The following ACTR3B variants were observed in gnomAD, a reference collection of about 807,000 sequenced individuals.
ACTR3B encodes actin related protein 3B.
A neutral mutation model predicts 59.0 loss-of-function variants in ACTR3B; 8 were observed. That is an observed-to-expected ratio of 0.14 (90% CI 0.08 to 0.24). The LOEUF is 0.24. Among genes scored for constraint, ACTR3B ranks in the 10% least tolerant of loss-of-function variants. The pLI is 1.00. For missense variants in ACTR3B, 245 were observed against 552.3 expected, an observed-to-expected ratio of 0.44 and a Z score of 5.58; for synonymous variants, 148 against 197.9, an observed-to-expected ratio of 0.75 and a Z score of 2.12.
At chr7:152,792,872 G>A (rs186445003) in intron 2 of ACTR3B, among the ~76,000 whole-genome samples, 4 of 152,174 alleles carry the variant, frequency 2.6e-5, no homozygotes, top group Admixed American at 6.5e-5. Context: ...TTATTTCAAC[G>A]GAAAGTCTTG....
intron 4 of ACTR3B, among the ~76,000 whole-genome samples, chr7:152,806,901 G>A (rs1389760292): frequency 6.6e-6 from 1 of 152,180 alleles, no homozygotes; most frequent in Non-Finnish European, 1.5e-5. Flanking sequence ...CTGTCATAGT[G>A]GTGTCACTCA....
chr7:152,853,008 G>A (rs577211355), intron 10 of ACTR3B, among the ~76,000 whole-genome samples: 3 of 152,134 alleles, frequency 2.0e-5, no homozygotes, highest in Admixed American at 6.5e-5. Context: ...AGCCAGGATG[G>A]TCTCGATCTC....
At chr7:152,846,679 G>A (rs1466120887) in intron 9 of ACTR3B, among the ~76,000 whole-genome samples, 2 of 149,236 alleles carry the variant, frequency 1.3e-5, no homozygotes, top group Admixed American at 1.3e-4. Flanking sequence ...TAGTGCCCGG[G>A]CTGTAGTCTG....
chr7:152,852,223 G>A lies in ACTR3B; in HGVS notation c.1049G>A (p.Ser350Asn), dbSNP rs1798861538. The A allele has an allele frequency of 1.2e-6, 2 of 1,613,926 alleles. No homozygotes were observed. Among genetic ancestry groups the A allele is most frequent in the East Asian group, 2.2e-5 (1 of 44,866 alleles). Reference protein sequence around the residue: ...KRVVDARLRLSEELSGGRIKP... With the variant: ...KRVVDARLRLNEELSGGRIKP... ...GTGGTGGATGCTAGGCTGAGGCTCA[G>A]CGAGGAGCTCAGCGGCGGGAGGATC... Residue 350 changes from serine to asparagine, a missense_variant, in exon 10 of 12, where the codon AGC becomes AAC. Around this residue, in one of 7 missense-constraint regions of ACTR3B, gnomAD observed 153 missense variants for 266.2 expected, o/e 0.57. Transcript: ENST00000256001.
chr7:152,837,491 A>G (rs1206173297), intron 9 of ACTR3B, among the ~76,000 whole-genome samples: 1 of 152,258 alleles, frequency 6.6e-6, no homozygotes, highest in Non-Finnish European at 1.5e-5. Flanking sequence ...ATCCTCATAA[A>G]AGACTAGTTA....
chr7:152,810,527 G>A (rs949313952), intron 4 of ACTR3B, among the ~76,000 whole-genome samples: 2 of 151,350 alleles, frequency 1.3e-5, no homozygotes, highest in African/African-American at 2.4e-5. Flanking sequence ...TCGACCTCCT[G>A]GGCTGGAGTG....
At chr7:152,829,750 T>C (rs1397792167) in intron 9 of ACTR3B, among the ~76,000 whole-genome samples, 2 of 152,188 alleles carry the variant, frequency 1.3e-5, no homozygotes, top group Non-Finnish European at 2.9e-5. Flanking sequence ...TCTAATGTGC[T>C]TCTAACTTGA....
Position 152,772,526 on chromosome 7 carries a change from A to G in ACTR3B, c.45-10661A>G, listed in dbSNP as rs538568489. Among the ~76,000 whole-genome samples the G allele has an allele frequency of 2.8e-3, 423 of 151,988 alleles. 1 individual carries two copies. Among genetic ancestry groups the G allele is most frequent in the African/African-American group, 9.7e-3 (401 of 41,416 alleles). Reference sequence around the variant, plus strand: ...GGTGACAAAGCGAGACTCTGGCTCAAAAGGAAAAAACAAGAGTAGGGGAGT... The same window carrying G: ...GGTGACAAAGCGAGACTCTGGCTCAGAAGGAAAAAACAAGAGTAGGGGAGT... On this transcript the variant is annotated intron_variant, in intron 1 of 11. Coordinates refer to ENST00000256001, the MANE Select transcript of ACTR3B (RefSeq NM_020445.6).
At chr7:152,831,729 A>G (rs776946211) in intron 9 of ACTR3B, among the ~76,000 whole-genome samples, 42 of 152,116 alleles carry the variant, frequency 2.8e-4, no homozygotes, top group Non-Finnish European at 5.4e-4. Flanking sequence ...GAAGTAGCGC[A>G]ATCCTGTGGG....
chr7:152,781,916 A>T (rs1297630888), intron 1 of ACTR3B, among the ~76,000 whole-genome samples: 1 of 152,002 alleles, frequency 6.6e-6, no homozygotes, highest in East Asian at 1.9e-4. Context: ...TGCCTCCAGA[A>T]GCTCCTTGTA....
At chr7:152,834,299 G>T in intron 9 of ACTR3B, among the ~76,000 whole-genome samples, 1 of 151,988 alleles carries the variant, frequency 6.6e-6, no homozygotes, top group African/African-American at 2.4e-5. Context: ...GATTACAGGT[G>T]CCCGCCACCA....
intron 7 of ACTR3B, among the ~76,000 whole-genome samples, chr7:152,821,133 A>G (rs1590363856): frequency 1.3e-5 from 2 of 152,182 alleles, no homozygotes; most frequent in South Asian, 2.1e-4. Context: ...GGGGGCTCTC[A>G]GCGCTGAAAT....
At chr7:152,831,452 G>T (rs568531116) in intron 9 of ACTR3B, among the ~76,000 whole-genome samples, 1 of 152,330 alleles carries the variant, frequency 6.6e-6, no homozygotes, top group Non-Finnish European at 1.5e-5. Context: ...GTGGTGCTCG[G>T]TGGTGATGGC....
chr7:152,819,679 G>A (rs1795996077), intron 6 of ACTR3B, among the ~76,000 whole-genome samples: 1 of 152,176 alleles, frequency 6.6e-6, no homozygotes, highest in Non-Finnish European at 1.5e-5. Context: ...AGTGGAATGA[G>A]AGGCTCCCAG....
At chr7:152,819,607 AG>A (rs1457504952) in intron 6 of ACTR3B, among the ~76,000 whole-genome samples, 5 of 152,202 alleles carry the variant, frequency 3.3e-5, no homozygotes, top group Non-Finnish European at 7.3e-5. Context: ...TGATCGGCCC[AG>A]GGCGTGGTCA....
chr7:152,809,945 A>T (rs1178726617), intron 4 of ACTR3B, among the ~76,000 whole-genome samples: 1 of 152,032 alleles, frequency 6.6e-6, no homozygotes, highest in African/African-American at 2.4e-5. Context: ...TGTAAAAAAA[A>T]CCCTAATACT....
At chr7:152,802,821 A>G (rs1396749474) in intron 4 of ACTR3B, among the ~76,000 whole-genome samples, 12 of 152,210 alleles carry the variant, frequency 7.9e-5, no homozygotes, top group South Asian at 6.2e-4. Context: ...TATCTGGTAT[A>G]AGAAATATTT....
chr7:152,849,507 C>T (rs1396851335), intron 9 of ACTR3B, among the ~76,000 whole-genome samples: 2 of 152,236 alleles, frequency 1.3e-5, no homozygotes, highest in Non-Finnish European at 2.9e-5. Context: ...GGCTCTGTCC[C>T]TGGCCAAGCC....
intron 1 of ACTR3B, among the ~76,000 whole-genome samples, chr7:152,761,625 G>A (rs1335686746): frequency 2.0e-5 from 3 of 152,140 alleles, no homozygotes; most frequent in Non-Finnish European, 4.4e-5. Flanking sequence ...GTGGCCCAAA[G>A]TCATGCTTCA....
Sources: allele counts gnomAD v4.1 joint callset (sites outside exome capture counted in the v4.1 genomes callset), GRCh38; gene constraint gnomAD v4.1.1; regional missense constraint gnomAD v4.1.1; transcripts MANE v1.5; gene names NCBI Gene and HGNC (gene_info 2026-07-23, HGNC 2026-07-21).